Variants in VWF observed in about 807,000 individuals in gnomAD.
VWF encodes the protein von Willebrand factor.
VWF carries 176 observed loss-of-function variants against 308.6 expected under a neutral mutation model. That is an observed-to-expected ratio of 0.57 (90% CI 0.50 to 0.65). The LOEUF is 0.65. Among genes scored for constraint, VWF ranks in the 30% least tolerant of loss-of-function variants. The pLI, the probability that VWF is intolerant of heterozygous loss-of-function variation, is 0.00. For missense variants in VWF, 3,146 were observed against 3,648.2 expected, an observed-to-expected ratio of 0.86 and a Z score of 3.55; for synonymous variants, 1,385 against 1,443.4, an observed-to-expected ratio of 0.96 and a Z score of 0.92.
rs779457972 is a variant in VWF, at chr12:5,968,128, C to T, written c.7769G>A (p.Gly2590Glu). 6.2e-7 allele frequency: 1 copy of T among 1,614,128 alleles called. No homozygotes were observed. Among genetic ancestry groups the T allele is most frequent in the Admixed American group, 1.7e-5 (1 of 60,026 alleles). ...EACMLNGTVIGPGKTVMIDVC... is the reference protein window; with the variant it reads ...EACMLNGTVIEPGKTVMIDVC... ...CTGGAGAAGAGGACAGCGGCTCACC[C>T]CAATGACAGTGCCATTGAGCATGCA... The change falls in exon 46 of 52, where the codon GGG (glycine) becomes GAG (glutamate). Residue 2590 changes from glycine to glutamate, a missense_variant and splice_region_variant. Transcript: ENST00000261405.
At position 6,072,230 on chromosome 12, in the gene VWF, G is replaced by T. The variant is rs573328246; in HGVS notation, c.1109+101C>A. ...AACTCAGTCTCTTCTTTCTTGGCAC[G>T]GTCCAGGTTCTTTTCCACCTGCCAC... On this transcript the variant is annotated intron_variant, in intron 9 of 51. Coordinates refer to ENST00000261405, the MANE Select transcript of VWF (RefSeq NM_000552.5). 16 of 1,068,344 alleles carry T rather than the reference G, an allele frequency of 1.5e-5. No homozygotes were observed. The African/African-American group carries it at 2.5e-4, about 16-fold the overall frequency. The allele number at this position is 1,068,344 out of a possible 1,614,324, so 66.2% of individuals were successfully genotyped here.
rs1448001886 is a variant in VWF, at chr12:6,052,559, C to G, written c.2170G>C (p.Asp724His). The change falls in exon 16 of 52, where the codon GAC (aspartate) becomes CAC (histidine). Residue 724 changes from aspartate (D) to histidine (H), a missense_variant. Coordinates refer to ENST00000261405, the MANE Select transcript of VWF (RefSeq NM_000552.5). ...TGCACTTACCACATGGTGTGATGGT[C>G]TGAGAAGATGTCTTCTGGCTGGAAG... is the stretch of plus-strand genomic sequence containing the variant. The part of the protein sequence containing the change: ...EIFQPEDIFS[D>H]HHTMCYCEDG... 2 of 1,614,204 alleles carry G rather than the reference C, an allele frequency of 1.2e-6. No homozygotes were observed. Among genetic ancestry groups the G allele is most frequent in the South Asian group, 2.2e-5 (2 of 91,060 alleles).
chr12:5,958,639 T>G (rs1943277237), intron 47 of VWF, among the ~76,000 whole-genome samples: 1 of 151,802 alleles, frequency 6.6e-6, no homozygotes, highest in Non-Finnish European at 1.5e-5. Context: ...CAATGAGCCA[T>G]GATCATACCG....
chr12:5,986,608 C>T (rs1282986358), intron 38 of VWF, among the ~76,000 whole-genome samples: 5 of 152,144 alleles, frequency 3.3e-5, no homozygotes, highest in African/African-American at 4.8e-5. Flanking sequence ...AGGCCCCCTT[C>T]CCCCAAAGTG....
chr12:5,993,502 A>G (rs1943767056), intron 37 of VWF, among the ~76,000 whole-genome samples: 1 of 152,140 alleles, frequency 6.6e-6, no homozygotes, highest in Admixed American at 6.5e-5. Flanking sequence ...CCCTTTACAG[A>G]TGCCTATATG....
At chr12:5,949,917 T>C (rs1943162794) in intron 50 of VWF, 34 bp from the exon 51 acceptor site, 1 of 1,599,000 alleles carries the variant, frequency 6.3e-7, no homozygotes, top group Admixed American at 1.7e-5. Flanking sequence ...ACTTGAGGAC[T>C]GGCTGGGGTT....
At chr12:6,109,281 A>G (rs886718582) in intron 5 of VWF, among the ~76,000 whole-genome samples, 1 of 150,240 alleles carries the variant, frequency 6.7e-6, no homozygotes, top group Non-Finnish European at 1.5e-5. Flanking sequence ...ATATATACAC[A>G]CACATATATA....
chr12:6,066,129 C>T (rs530816442), intron 10 of VWF, among the ~76,000 whole-genome samples: 5 of 152,300 alleles, frequency 3.3e-5, no homozygotes, highest in East Asian at 1.9e-4. Context: ...CTAATTCCCA[C>T]ACCATCTCCC....
rs61749370 is a variant in VWF, at chr12:6,019,621, G to T, written c.3797C>A (p.Pro1266Gln). 5.4e-4 allele frequency: 874 copies of T among 1,612,906 alleles called. 3 individuals carry two copies. Among genetic ancestry groups the T allele is most frequent in the South Asian group, 3.9e-3 (351 of 91,018 alleles). The change falls in exon 28 of 52, where the codon CCG becomes CAG. Residue 1266 changes from proline to glutamine, a missense_variant. Physicochemically the swap from Pro to Gln is moderately conservative, Grantham distance 76. Around this residue, in one of 3 missense-constraint regions of VWF, gnomAD observed 853 missense variants for 1,177.8 expected, o/e 0.72. Transcript: ENST00000261405. This position sits in a 1 kb window ranked among gnomAD's most constrained non-coding sequence, Gnocchi z 5.8. ...TLYVEDISEP[P>Q]LHDFYCSRLL... ...CCTGCTGCAGTAGAAATCGTGCAAC[G>T]GCGGTTCCGAGATGTCCTCCACATA...
At position 5,994,568 on chromosome 12, in the gene VWF, C is replaced by A. The variant is rs778887346; in HGVS notation, c.6103G>T (p.Gly2035Cys). 99 of 1,613,778 alleles carry A rather than the reference C, an allele frequency of 6.1e-5. No individual in the cohort carries two copies. The highest frequency in any genetic ancestry group is 1.6e-4 in the Middle Eastern group (1 of 6,080). ...NGRLVSVPYVGGNMEVNVYGA... is the reference protein window; with the variant it reads ...NGRLVSVPYVCGNMEVNVYGA... ...TAAACGTTGACTTCCATGTTCCCAC[C>A]CACGTAAGGAACAGAGACCAGTCTC... Residue 2035 changes from glycine (G) to cysteine (C), a missense_variant, in exon 36 of 52, where the codon GGT (glycine) becomes TGT (cysteine). Transcript: ENST00000261405.
At position 6,124,194 on chromosome 12, in the gene VWF, G is replaced by GT. The variant is rs111913025; in HGVS notation, c.-1+226dup. On this transcript the variant is annotated intron_variant, in intron 1 of 51. Coordinates refer to ENST00000261405, the MANE Select transcript of VWF (RefSeq NM_000552.5). ...CTTCATTCCAACTCATTTGAGTGAA[G>GT]TACTATCAAACAGTAAAACCCACTG... is the stretch of plus-strand genomic sequence containing the variant. 2.4e-3 allele frequency among the ~76,000 whole-genome samples: 358 copies of GT among 152,266 alleles called. 1 individual carries two copies. Among genetic ancestry groups the GT allele is most frequent in the African/African-American group, 7.5e-3 (310 of 41,538 alleles).
At chr12:6,078,747 G>A (rs1944872950) in intron 6 of VWF, among the ~76,000 whole-genome samples, 1 of 152,134 alleles carries the variant, frequency 6.6e-6, no homozygotes, top group East Asian at 1.9e-4. Context: ...CCAAGGGAAA[G>A]AAGAGACCCA....
chr12:6,092,618 A>AGTGAGTGAGAGT (rs1945055436), intron 6 of VWF, among the ~76,000 whole-genome samples: 6 of 66,218 alleles, frequency 9.1e-5, no homozygotes, highest in African/African-American at 4.9e-4. Context: ...AGTGAGTGAG[A>AGTGAGTGAGAGT]GTGTGTGTGT....
At chr12:6,071,004 A>G (rs1052236038) in intron 10 of VWF, among the ~76,000 whole-genome samples, 7 of 152,244 alleles carry the variant, frequency 4.6e-5, no homozygotes, top group Non-Finnish European at 1.0e-4. Context: ...CAGGCCTTAC[A>G]GCTCATCAAC....
Position 6,029,403 on chromosome 12 carries a change from G to A in VWF, c.2906C>T (p.Ala969Val), listed in dbSNP as rs202175420. The change falls in exon 22 of 52, where the codon GCC becomes GTC. Residue 969 changes from alanine (A) to valine (V), a missense_variant. By Grantham distance (64) the Ala-to-Val change is moderately conservative. Coordinates refer to ENST00000261405, the MANE Select transcript of VWF (RefSeq NM_000552.5). ...GTGGCGGTCCCAGACCACGGAGAGG[G>A]CTTTGCCCAGCAGCAGAATGATGTA... Reference protein sequence around the residue: ...GRYIILLLGKALSVVWDRHLS... With the variant: ...GRYIILLLGKVLSVVWDRHLS... 6 of 1,613,988 alleles carry A rather than the reference G, an allele frequency of 3.7e-6. No individual in the cohort carries two copies. The African/African-American group carries it at 5.3e-5, about 14-fold the overall frequency.
intron 43 of VWF, among the ~76,000 whole-genome samples, 171 bp downstream of exon 43, chr12:5,975,940 C>T (rs571468773): frequency 2.0e-5 from 3 of 152,142 alleles, no homozygotes; most frequent in Non-Finnish European, 2.9e-5. Context: ...CTCGTGAACC[C>T]GGGAGGCAGA....
At chr12:6,109,649 T>C (rs906032570) in intron 5 of VWF, among the ~76,000 whole-genome samples, 1 of 152,128 alleles carries the variant, frequency 6.6e-6, no homozygotes, top group African/African-American at 2.4e-5. Flanking sequence ...TATTCATCTT[T>C]AGTGTTTTCT....
At position 5,995,990 on chromosome 12, in the gene VWF, A is replaced by G. The variant is rs1268909451; in HGVS notation, c.6063+12T>C. 1.2e-6 allele frequency: 2 copies of G among 1,611,376 alleles called. No individual in the cohort carries two copies. Among genetic ancestry groups the G allele is most frequent in the Non-Finnish European group, 1.7e-6 (2 of 1,179,530 alleles). On this transcript the variant is annotated intron_variant, in intron 35 of 51. Coordinates refer to ENST00000261405, the MANE Select transcript of VWF (RefSeq NM_000552.5). ...ATTGCCTTACCACGGATCCACAGAA[A>G]GTACTTCTCACCTCCATGTCACTGT... is the stretch of plus-strand genomic sequence containing the variant.
At chr12:6,087,727 A>C (rs926388444) in intron 6 of VWF, among the ~76,000 whole-genome samples, 1 of 152,026 alleles carries the variant, frequency 6.6e-6, no homozygotes, top group African/African-American at 2.4e-5. Flanking sequence ...GTTTGTGGAG[A>C]GCATTCATGC....
Sources: allele counts gnomAD v4.1 joint callset (sites outside exome capture counted in the v4.1 genomes callset), GRCh38; gene constraint gnomAD v4.1.1; regional missense constraint gnomAD v4.1.1; non-coding constraint Gnocchi (gnomAD v3.1); transcripts MANE v1.5; gene names NCBI Gene and HGNC (gene_info 2026-07-23, HGNC 2026-07-21).